MEIKIN: variants seen among roughly 807,000 people sequenced by gnomAD.
MEIKIN encodes meiosis-specific kinetochore protein.
chr5:131,942,253 T>C (rs890305022), intron 4 of MEIKIN, among the ~76,000 whole-genome samples: 1 of 152,230 alleles, frequency 6.6e-6, no homozygotes, highest in Admixed American at 6.5e-5. Context: ...AGTTACTCAA[T>C]ACATAATGCT....
chr5:131,810,878 C>G (rs1772940507), intron 12 of MEIKIN, among the ~76,000 whole-genome samples: 1 of 152,162 alleles, frequency 6.6e-6, no homozygotes, highest in Admixed American at 6.6e-5. Context: ...GACTGAAATT[C>G]AAAAGTGAAT....
chr5:131,926,485 T>C (rs1751589270), intron 5 of MEIKIN, among the ~76,000 whole-genome samples: 4 of 152,200 alleles, frequency 2.6e-5, no homozygotes, highest in Admixed American at 2.6e-4. Flanking sequence ...AGGGATATTG[T>C]CTTACAGTTG....
At chr5:131,861,535 T>C (rs1160360359) in intron 9 of MEIKIN, among the ~76,000 whole-genome samples, 2 of 152,170 alleles carry the variant, frequency 1.3e-5, no homozygotes, top group Non-Finnish European at 2.9e-5. Context: ...GTCTTGTTCT[T>C]AGAGGAAAGG....
Position 131,828,815 on chromosome 5 carries a change from A to G in MEIKIN, c.976-9952T>C, listed in dbSNP as rs6867162. On this transcript the variant is annotated intron_variant, in intron 11 of 12. Transcript: ENST00000442687. The stretch of plus-strand genomic sequence containing the variant: ...TGGAAGTGAAAAACAAATATATGTT[A>G]AAAGTCTTCATGCACTCAGAATTTC... Among the ~76,000 whole-genome samples the G allele has an allele frequency of 4.7e-3, 712 of 152,330 alleles. 8 individuals carry two copies. The highest frequency in any genetic ancestry group is 0.016 in the African/African-American group (676 of 41,574).
Position 131,887,750 on chromosome 5 carries a change from C to T in MEIKIN, c.704-8702G>A, listed in dbSNP as rs570647513. ...TACTTTAAGTTTTAGGGTACATGTGCACAACATGCAGGTTTGTTACATATG... is the reference window on the plus strand; with the variant it reads ...TACTTTAAGTTTTAGGGTACATGTGTACAACATGCAGGTTTGTTACATATG... On this transcript the variant is annotated intron_variant, in intron 8 of 12. Transcript: ENST00000442687. Among the ~76,000 whole-genome samples the T allele has an allele frequency of 2.0e-3, 309 of 151,202 alleles. 1 individual carries two copies. The highest frequency in any genetic ancestry group is 7.1e-3 in the African/African-American group (291 of 41,166).
At chr5:131,885,247 T>G (rs1750760330) in intron 8 of MEIKIN, among the ~76,000 whole-genome samples, 1 of 151,972 alleles carries the variant, frequency 6.6e-6, no homozygotes, top group Non-Finnish European at 1.5e-5. Context: ...GTGCTGGCTT[T>G]AGTTCTGACC....
At chr5:131,912,042 T>C (rs139212051) in intron 7 of MEIKIN, among the ~76,000 whole-genome samples, 163 bp from the exon 8 acceptor site, 109 of 152,144 alleles carry the variant, frequency 7.2e-4, no homozygotes, top group African/African-American at 2.5e-3. Flanking sequence ...TATGAACAAA[T>C]AGTTTAATAA....
intron 9 of MEIKIN, among the ~76,000 whole-genome samples, chr5:131,873,808 T>G (rs941621764): frequency 1.6e-4 from 25 of 152,190 alleles, no homozygotes; most frequent in African/African-American, 5.1e-4. Flanking sequence ...CAGACCACAG[T>G]GCAATCAAAC....
At chr5:131,870,349 A>T (rs1408869013) in intron 9 of MEIKIN, among the ~76,000 whole-genome samples, 1 of 151,966 alleles carries the variant, frequency 6.6e-6, no homozygotes, top group African/African-American at 2.4e-5. Context: ...TCCTCTCTTG[A>T]TTTCTATGAT....
At chr5:131,935,445 T>C (rs780279695) in intron 4 of MEIKIN, among the ~76,000 whole-genome samples, 2 of 152,174 alleles carry the variant, frequency 1.3e-5, no homozygotes, top group Non-Finnish European at 1.5e-5. Context: ...AATGAAGAAC[T>C]GTCCAATAAA....
At chr5:131,851,833 G>A (rs573271982) in intron 10 of MEIKIN, among the ~76,000 whole-genome samples, 5 of 152,262 alleles carry the variant, frequency 3.3e-5, no homozygotes, top group African/African-American at 1.2e-4. Context: ...GATGCACGTA[G>A]GTTATATGCA....
Position 131,933,505 on chromosome 5 carries a change from T to C in MEIKIN, c.478+8A>G, listed in dbSNP as rs1751721987. Reference sequence around the variant, plus strand: ...TAGAGCAATTTAAGGTTGGAATTACTTTCTCACCTAAATAATCTGATTTTC... The same window carrying C: ...TAGAGCAATTTAAGGTTGGAATTACCTTCTCACCTAAATAATCTGATTTTC... On this transcript the variant is annotated splice_region_variant and intron_variant, in intron 5 of 12. Transcript: ENST00000442687. 2.5e-6 allele frequency: 1 copy of C among 398,616 alleles called. No individual in the cohort carries two copies. Among genetic ancestry groups the C allele is most frequent in the African/African-American group, 2.1e-5 (1 of 48,736 alleles). 24.7% of individuals were successfully genotyped at this position (398,616 alleles called of 1,614,324 possible).
intron 8 of MEIKIN, 72 bp from the exon 9 acceptor site, chr5:131,879,120 G>T (rs1483300519): frequency 1.0e-5 from 4 of 396,706 alleles, no homozygotes; most frequent in Admixed American, 4.4e-5. Flanking sequence ...AAGGACAAGA[G>T]AATTCAAATT....
chr5:131,877,460 T>C (rs1750635629), intron 9 of MEIKIN, among the ~76,000 whole-genome samples: 1 of 152,000 alleles, frequency 6.6e-6, no homozygotes, highest in African/African-American at 2.4e-5. Context: ...CTGAGCAACA[T>C]GTTGAAACCC....
chr5:131,945,431 T>G lies in MEIKIN; in HGVS notation c.75A>C (p.Leu25=), dbSNP rs1003719760. The part of the protein sequence containing the change: ...QRLNLTPTPD[L]GSPAKAEAPP... ...GGGCCTCGGCCTTCGCTGGAGAGCC[T>G]AGGTCTGGCGTCGGGGTGAGATTGA... The change falls in exon 1 of 13, where the codon CTA becomes CTC. Residue 25 remains leucine, a synonymous_variant. Transcript: ENST00000442687. 1 of 399,208 alleles carries G rather than the reference T, an allele frequency of 2.5e-6. No individual in the cohort carries two copies. The highest frequency in any genetic ancestry group is 4.4e-5 in the Admixed American group (1 of 22,722). The allele number at this position is 399,208 out of a possible 1,614,324, so 24.7% of individuals were successfully genotyped here.
chr5:131,812,738 T>C (rs1773018050), intron 12 of MEIKIN, among the ~76,000 whole-genome samples: 1 of 152,212 alleles, frequency 6.6e-6, no homozygotes, highest in African/African-American at 2.4e-5. Flanking sequence ...TTGTGCCAAA[T>C]GATCCAGCAG....
intron 7 of MEIKIN, among the ~76,000 whole-genome samples, chr5:131,913,685 AC>A (rs1751365009): frequency 6.6e-6 from 1 of 152,158 alleles, no homozygotes; most frequent in Non-Finnish European, 1.5e-5. Context: ...CCTTTTACAA[AC>A]TCCACATAGA....
intron 5 of MEIKIN, among the ~76,000 whole-genome samples, chr5:131,929,444 T>C (rs561219366): frequency 5.3e-5 from 8 of 152,340 alleles, no homozygotes; most frequent in Non-Finnish European, 7.4e-5. Flanking sequence ...GTCTGCTTGA[T>C]AGTGGCTCAC....
intron 8 of MEIKIN, among the ~76,000 whole-genome samples, chr5:131,887,826 T>A (rs1013974606): frequency 6.6e-6 from 1 of 151,306 alleles, no homozygotes; most frequent in African/African-American, 2.4e-5. Flanking sequence ...TCATTTAGCA[T>A]TAGGTATATC....
Sources: allele counts gnomAD v4.1 joint callset (sites outside exome capture counted in the v4.1 genomes callset), GRCh38; gene constraint gnomAD v4.1.1; transcripts MANE v1.5; gene names NCBI Gene and HGNC (gene_info 2026-07-23, HGNC 2026-07-21).